The following NFU1 variants were observed in gnomAD, a reference collection of about 807,000 sequenced individuals.
NFU1 encodes NFU1 iron-sulfur cluster scaffold homolog, mitochondrial.
A neutral mutation model predicts 32.2 loss-of-function variants in NFU1; 30 were observed. That is an observed-to-expected ratio of 0.93 (90% CI 0.70 to 1.26). NFU1 has a LOEUF of 1.26. Among genes scored for constraint, NFU1 ranks in the 50% most tolerant of loss-of-function variants. NFU1 has a pLI of 0.00. For missense variants in NFU1, 306 were observed against 306.6 expected (o/e 1.00, Z 0.02); for synonymous variants, 112 against 104.6 (o/e 1.07, Z -0.43).
At chr2:69,426,914 C>G (rs1673474518) in intron 2 of NFU1, among the ~76,000 whole-genome samples, 1 of 144,662 alleles carries the variant, frequency 6.9e-6, no homozygotes. Context: ...TAAAAAAATA[C>G]AAAAATTAGC....
chr2:69,398,006 G>A (rs191314731), intron 7 of NFU1, among the ~76,000 whole-genome samples: 1 of 151,510 alleles, frequency 6.6e-6, no homozygotes, highest in Admixed American at 6.6e-5. Flanking sequence ...TTTTGGTTGA[G>A]TAAAAATTGG....
intron 5 of NFU1, among the ~76,000 whole-genome samples, chr2:69,409,262 G>T (rs1672803481): frequency 6.6e-6 from 1 of 152,040 alleles, no homozygotes; most frequent in Non-Finnish European, 1.5e-5. Context: ...TTTCATAAAT[G>T]ATACATTTAT....
At chr2:69,415,162 A>C in intron 5 of NFU1, 23 bp downstream of exon 5, 2 of 1,307,544 alleles carry the variant, frequency 1.5e-6, no homozygotes, top group Non-Finnish European at 2.2e-6. Flanking sequence ...GACAAATTTT[A>C]ATTACTCAAT....
At chr2:69,396,514 AG>A (rs1271990722) in intron 7 of NFU1, among the ~76,000 whole-genome samples, 1 of 152,180 alleles carries the variant, frequency 6.6e-6, no homozygotes, top group Non-Finnish European at 1.5e-5. Context: ...ACAAAAAATT[AG>A]CCAGGCGGGC....
chr2:69,439,347 C>T (rs1215817767), upstream of NFU1, among the ~76,000 whole-genome samples: 1 of 152,008 alleles, frequency 6.6e-6, no homozygotes, highest in Non-Finnish European at 1.5e-5. Flanking sequence ...GATGGTGTGT[C>T]CAGAGTCTGT....
chr2:69,418,633 C>CT (rs1180474687), intron 4 of NFU1, among the ~76,000 whole-genome samples: 2 of 151,330 alleles, frequency 1.3e-5, no homozygotes, highest in Non-Finnish European at 3.0e-5. Flanking sequence ...TGCCCGGCTA[C>CT]TTTTTTTTTG....
At chr2:69,426,273 A>G (rs944256732) in intron 2 of NFU1, among the ~76,000 whole-genome samples, 1 of 149,932 alleles carries the variant, frequency 6.7e-6, no homozygotes, top group Admixed American at 6.7e-5. Flanking sequence ...TGCCTAGCCT[A>G]AAAGACATCT....
chr2:69,425,328 G>A (rs1389898975), intron 2 of NFU1, among the ~76,000 whole-genome samples: 3 of 149,998 alleles, frequency 2.0e-5, no homozygotes, highest in African/African-American at 4.9e-5. Flanking sequence ...GTCCAGCTCC[G>A]GGGCCAAGTG....
At chr2:69,402,143 C>T (rs1037788299) in intron 6 of NFU1, among the ~76,000 whole-genome samples, 13 of 152,186 alleles carry the variant, frequency 8.5e-5, no homozygotes, top group Admixed American at 2.0e-4. Flanking sequence ...GATCCGCTCA[C>T]CTCAGCCTCC....
At chr2:69,437,893 G>A (rs190670099), upstream of NFU1, among the ~76,000 whole-genome samples, 2 of 152,284 alleles carry the variant, frequency 1.3e-5, no homozygotes, top group African/African-American at 4.8e-5. Flanking sequence ...TGGGTCTGAT[G>A]TGGAACTGTG....
intron 2 of NFU1, among the ~76,000 whole-genome samples, chr2:69,424,198 A>AAAAAATATATATAT (rs1558840147): frequency 5.4e-5 from 4 of 74,532 alleles, no homozygotes; most frequent in African/African-American, 2.1e-4. Context: ...AAAAAAAAAA[A>AAAAAATATATATAT]ATATATATAT....
chr2:69,425,643 CT>C (rs2104799296), intron 2 of NFU1, among the ~76,000 whole-genome samples: 1 of 152,168 alleles, frequency 6.6e-6, no homozygotes, highest in South Asian at 2.1e-4. Flanking sequence ...GTGTAAGCCA[CT>C]GTGCCCGGCC....
intron 7 of NFU1, chr2:69,399,493 C>T: frequency 2.7e-6 from 1 of 376,272 alleles, no homozygotes; most frequent in South Asian, 2.0e-5. Flanking sequence ...TTCTTGCTTG[C>T]ATATTTAAGA....
intron 7 of NFU1, among the ~76,000 whole-genome samples, chr2:69,399,996 C>T (rs57727274): frequency 0.031 from 4,666 of 152,210 alleles, 223 homozygotes; most frequent in East Asian, 0.18. Context: ...CCTCAGCCTC[C>T]CAAGTAGCTG....
At chr2:69,417,273 T>C (rs1291657824) in intron 4 of NFU1, among the ~76,000 whole-genome samples, 1 of 152,062 alleles carries the variant, frequency 6.6e-6, no homozygotes, top group Admixed American at 6.5e-5. Context: ...GCTGAAGACA[T>C]TCAGTAAAAT....
At chr2:69,400,162 T>C (rs1672473492) in intron 7 of NFU1, among the ~76,000 whole-genome samples, 2 of 152,170 alleles carry the variant, frequency 1.3e-5, no homozygotes, top group Non-Finnish European at 2.9e-5. Flanking sequence ...TTTGAGCCAC[T>C]GCGCCCAGCC....
chr2:69,407,488 C>G (rs1672733698), intron 5 of NFU1, among the ~76,000 whole-genome samples: 3 of 151,666 alleles, frequency 2.0e-5, no homozygotes, highest in African/African-American at 7.3e-5. Flanking sequence ...ACCAGCCTGG[C>G]CAATAGGGCA....
chr2:69,425,564 C>A (rs1337388647), intron 2 of NFU1, among the ~76,000 whole-genome samples: 2 of 151,266 alleles, frequency 1.3e-5, no homozygotes, highest in African/African-American at 4.9e-5. Context: ...CATGTTGGCC[C>A]AGCTGGTCTC....
chr2:69,405,724 CTTT>C (rs149330922), intron 6 of NFU1, among the ~76,000 whole-genome samples: 6 of 149,158 alleles, frequency 4.0e-5, no homozygotes, highest in African/African-American at 7.4e-5. Context: ...AACATTAAGT[CTTT>C]TTTTTTTCTT....
Sources: gnomAD v4.1 joint callset for allele counts (sites outside exome capture counted in the v4.1 genomes callset) on GRCh38, gnomAD v4.1.1 for gene constraint, MANE v1.5 for transcripts, NCBI Gene and HGNC (gene_info 2026-07-23, HGNC 2026-07-21) for gene names.